SHROOM2: variants seen among roughly 807,000 people sequenced by gnomAD.
SHROOM2 encodes the protein protein Shroom2.
SHROOM2 carries 33 observed loss-of-function variants against 75.9 expected under a neutral mutation model. The observed-to-expected ratio is 0.43, with a 90% confidence interval of 0.33 to 0.58. SHROOM2 has a LOEUF of 0.58. Ranked by LOEUF, SHROOM2 falls within the 20% of genes least tolerant of loss-of-function variation. SHROOM2 has a pLI of 0.04. For synonymous variants in SHROOM2, 655 were observed against 663.6 expected, an observed-to-expected ratio of 0.99 and a Z score of 0.20; for missense variants, 1,434 against 1,461.2, an observed-to-expected ratio of 0.98 and a Z score of 0.30.
intron 9 of SHROOM2, 99 bp downstream of exon 9, chrX:9,945,012 C>T: frequency 1.1e-6 from 1 of 909,724 alleles, no homozygotes; most frequent in Non-Finnish European, 1.5e-6. Context: ...CCTAGCATAG[C>T]TTCCACATGG....
rs997161779 is a variant in SHROOM2 at position 9,895,660 on chromosome X, G to T, written c.1752G>T (p.Thr584=). 1 of 1,170,859 alleles carries T rather than the reference G, an allele frequency of 8.5e-7. No homozygotes were observed. Among genetic ancestry groups the T allele is most frequent in the Non-Finnish European group, 1.1e-6 (1 of 878,575 alleles). Residue 584 remains threonine, a synonymous_variant, in exon 4 of 10, where the codon ACG becomes ACT. Transcript: ENST00000380913. Reference sequence around the variant, plus strand: ...GCAGCAGGATCTGCCCGCAGGAGACGCCCCTGTTGCACTCCCTGACCCAGG... The same window carrying T: ...GCAGCAGGATCTGCCCGCAGGAGACTCCCCTGTTGCACTCCCTGACCCAGG... The part of the protein sequence containing the change: ...GESSRICPQE[T]PLLHSLTQEG...
At position 9,819,496 on chromosome X, in the gene SHROOM2, A is replaced by G. The variant is rs764016979; in HGVS notation, c.165+32786A>G. The G allele has an allele frequency of 4.9e-4, 130 of 264,296 alleles. 1 individual carries two copies. Among genetic ancestry groups the G allele is most frequent in the Non-Finnish European group, 8.6e-4 (122 of 141,189 alleles). 21.8% of individuals were successfully genotyped at this position (264,296 alleles called of 1,213,427 possible). Reference sequence around the variant, plus strand: ...TTGGCTTATTGGTGGCTTTATCAATAAGATGAAGAGATCTTTGATTGCAGC... The same window carrying G: ...TTGGCTTATTGGTGGCTTTATCAATGAGATGAAGAGATCTTTGATTGCAGC... On this transcript the variant is annotated intron_variant, in intron 1 of 9. Coordinates refer to ENST00000380913, the MANE Select transcript of SHROOM2 (RefSeq NM_001649.4).
chrX:9,862,479 G>A (rs1015671447), intron 1 of SHROOM2, among the ~76,000 whole-genome samples: 1 of 110,894 alleles, frequency 9.0e-6, no homozygotes, highest in Non-Finnish European at 1.9e-5. Flanking sequence ...GAAGCTGGCT[G>A]GGGGTGTCTG....
Position 9,898,348 on chromosome X carries a change from C to A in SHROOM2, c.2891+58C>A, listed in dbSNP as rs141760860. 1.3e-3 allele frequency: 1,178 copies of A among 898,505 alleles called. 12 individuals carry two copies. The African/African-American group carries it at 0.021, about 16-fold the overall frequency. The allele number at this position is 898,505 out of a possible 1,213,427, so 74.0% of individuals were successfully genotyped here. On this transcript the variant is annotated intron_variant, in intron 5 of 9. Transcript: ENST00000380913. ...AGGCGTCTGAGGGTGGGCTTCTGTA[C>A]GATGGGTGGGTGCTTGGTTAACATG...
chrX:9,940,670 C>G (rs1362461042), intron 8 of SHROOM2, among the ~76,000 whole-genome samples: 1 of 112,632 alleles, frequency 8.9e-6, no homozygotes, highest in Non-Finnish European at 1.9e-5. Flanking sequence ...TGCTTTCCCG[C>G]AGCCACACGC....
At chrX:9,912,556 C>T (rs950062124) in intron 5 of SHROOM2, 11 of 111,582 alleles carry the variant, frequency 9.9e-5, no homozygotes, top group Non-Finnish European at 2.1e-4. Flanking sequence ...ACATCGCTGC[C>T]TTCACAGCTG....
chrX:9,871,532 G>A (rs1027809876), intron 1 of SHROOM2, among the ~76,000 whole-genome samples: 4 of 112,188 alleles, frequency 3.6e-5, no homozygotes, highest in African/African-American at 1.3e-4. Flanking sequence ...GTGGGTGGAA[G>A]CTTATTTACA....
intron 4 of SHROOM2, among the ~76,000 whole-genome samples, chrX:9,897,909 G>A (rs1351234344): frequency 1.8e-5 from 2 of 112,023 alleles, no homozygotes; most frequent in South Asian, 3.6e-4. Context: ...AGGCTCTGAC[G>A]AGTACTAGAG....
intron 2 of SHROOM2, among the ~76,000 whole-genome samples, chrX:9,884,388 TTA>T (rs1371681552): frequency 9.3e-6 from 1 of 107,884 alleles, no homozygotes; most frequent in Admixed American, 1.0e-4. Flanking sequence ...TTTTTTTTTT[TTA>T]GTTTGAGGGA....
chrX:9,811,191 A>G (rs974745227), intron 1 of SHROOM2, among the ~76,000 whole-genome samples: 2 of 112,055 alleles, frequency 1.8e-5, no homozygotes, highest in South Asian at 3.8e-4. Flanking sequence ...GAATGGTGCC[A>G]TATCAAGGGC....
chrX:9,945,180 T>C (rs761313519), intron 9 of SHROOM2, among the ~76,000 whole-genome samples: 1 of 111,366 alleles, frequency 9.0e-6, no homozygotes, highest in Admixed American at 9.5e-5. Flanking sequence ...CGATCTCGGC[T>C]CACTGCAGCC....
intron 2 of SHROOM2, among the ~76,000 whole-genome samples, chrX:9,888,840 A>G (rs146311313): frequency 1.8e-5 from 2 of 112,296 alleles, no homozygotes; most frequent in Non-Finnish European, 3.8e-5. Flanking sequence ...TATTGTACCC[A>G]TGGAGAACTG....
intron 1 of SHROOM2, among the ~76,000 whole-genome samples, chrX:9,860,695 A>G (rs2146785513): frequency 8.9e-6 from 1 of 112,148 alleles, no homozygotes; most frequent in African/African-American, 3.2e-5. Context: ...AAGTGCTGGG[A>G]TTACAGACAT....
chrX:9,864,552 C>T (rs1479778326), intron 1 of SHROOM2, among the ~76,000 whole-genome samples: 2 of 111,194 alleles, frequency 1.8e-5, no homozygotes, highest in African/African-American at 6.5e-5. Context: ...GGCGCGGTGG[C>T]TCACGCCTGT....
chrX:9,932,379 C>T lies in SHROOM2; in HGVS notation c.3096C>T (p.Pro1032=). The T allele has an allele frequency of 8.3e-7, 1 of 1,209,430 alleles. No individual in the cohort carries two copies. Among genetic ancestry groups the T allele is most frequent in the South Asian group, 1.8e-5 (1 of 56,661 alleles). The change falls in exon 6 of 10, where the codon CCC becomes CCT. Residue 1032 remains proline, a synonymous_variant. Coordinates refer to ENST00000380913, the MANE Select transcript of SHROOM2 (RefSeq NM_001649.4). ...SEESTPADLG[P]RAQSPGSPLH... is the part of the protein sequence containing the mutation. ...AGAGCACCCCAGCAGACTTGGGACC[C>T]CGAGCCCAGAGCCCTGGCTCACCCC... is the stretch of plus-strand genomic sequence containing the variant.
intron 1 of SHROOM2, among the ~76,000 whole-genome samples, chrX:9,809,159 T>A (rs1004515334): frequency 9.2e-6 from 1 of 108,877 alleles, no homozygotes; most frequent in African/African-American, 3.4e-5. Context: ...GTTTATTAAG[T>A]ATTAACTCAC....
At chrX:9,848,367 G>T (rs7049525) in intron 1 of SHROOM2, among the ~76,000 whole-genome samples, 19,335 of 98,098 alleles carry the variant, frequency 0.2, 3,564 homozygotes, top group African/African-American at 0.52. Context: ...AGCCGGGCGC[G>T]GTGGCGGGCG....
At chrX:9,805,224 G>A (rs769278226) in intron 1 of SHROOM2, among the ~76,000 whole-genome samples, 7 of 111,454 alleles carry the variant, frequency 6.3e-5, no homozygotes, top group African/African-American at 1.6e-4. Context: ...CAGCCTGGGC[G>A]ACAGAGCGAG....
At chrX:9,914,158 G>C (rs1374251153) in intron 5 of SHROOM2, among the ~76,000 whole-genome samples, 2 of 100,054 alleles carry the variant, frequency 2.0e-5, no homozygotes, top group Non-Finnish European at 4.0e-5. Flanking sequence ...CTCATCTACA[G>C]AGGCATGAAC....
Sources: allele counts gnomAD v4.1 joint callset (sites outside exome capture counted in the v4.1 genomes callset), GRCh38; gene constraint gnomAD v4.1.1; transcripts MANE v1.5; gene names NCBI Gene and HGNC (gene_info 2026-07-23, HGNC 2026-07-21).